Variants in COL22A1 observed in about 807,000 individuals in gnomAD.
COL22A1 encodes collagen type XXII alpha 1 chain.
COL22A1 carries 221 observed loss-of-function variants against 248.9 expected under a neutral mutation model. That is an observed-to-expected ratio of 0.89 (90% CI 0.80 to 0.99). COL22A1 has a LOEUF of 0.99. Among genes scored for constraint, COL22A1 ranks in the 50% least tolerant of loss-of-function variants. The probability of loss-of-function intolerance (pLI) is 0.00; values close to 1 mark genes in which losing one functional copy is unlikely to be tolerated. For missense variants in COL22A1, 2,240 were observed against 2,179.0 expected (o/e 1.03, Z -0.56); for synonymous variants, 891 against 793.4 (o/e 1.12, Z -2.07).
At chr8:138,765,537 G>A (rs1018188501) in intron 16 of COL22A1, among the ~76,000 whole-genome samples, 7 of 152,220 alleles carry the variant, frequency 4.6e-5, no homozygotes, top group Admixed American at 3.3e-4. Context: ...GCGGACATCC[G>A]GGCCTGAGTG....
chr8:138,716,172 C>G (rs955440823), intron 29 of COL22A1, 55 bp downstream of exon 29: 34 of 1,397,668 alleles, frequency 2.4e-5, no homozygotes, highest in Non-Finnish European at 3.0e-5. Flanking sequence ...GGGGGCTGCT[C>G]TCTGTGGAGA....
intron 12 of COL22A1, among the ~76,000 whole-genome samples, chr8:138,790,194 G>A (rs1815901595): frequency 6.6e-6 from 1 of 152,166 alleles, no homozygotes; most frequent in African/African-American, 2.4e-5. Context: ...GGTGTCAGGT[G>A]AAGGCCTGCT....
intron 47 of COL22A1, among the ~76,000 whole-genome samples, chr8:138,643,609 T>TATAGATAGATAGATAGATAGATAGATAG (rs57015617): frequency 1.4e-5 from 2 of 146,526 alleles, no homozygotes; most frequent in African/African-American, 2.6e-5. Flanking sequence ...CCCTATGCAA[T>TATAGATAGATAGATAGATAGATAGATAG]ATAGATAGAT....
chr8:138,784,683 CT>C (rs1815354667), intron 12 of COL22A1, among the ~76,000 whole-genome samples: 1 of 152,168 alleles, frequency 6.6e-6, no homozygotes, highest in Admixed American at 6.5e-5. Flanking sequence ...GATAGTTTAT[CT>C]ATTATTACAA....
intron 55 of COL22A1, 144 bp from the exon 56 acceptor site, chr8:138,614,064 A>G (rs1819119388): frequency 2.9e-6 from 2 of 694,200 alleles, no homozygotes; most frequent in South Asian, 1.7e-5. Context: ...TTAATTGTCC[A>G]TTATTCCAAA....
chr8:138,831,056 G>C (rs1445296405), intron 5 of COL22A1, among the ~76,000 whole-genome samples: 1 of 152,198 alleles, frequency 6.6e-6, no homozygotes, highest in African/African-American at 2.4e-5. Context: ...ACTCAGAGAG[G>C]AAGTGACTTG....
chr8:138,694,856 C>T lies in COL22A1; in HGVS notation c.2616G>A (p.Glu872=). The T allele has an allele frequency of 6.2e-7, 1 of 1,614,116 alleles. No individual in the cohort carries two copies. The highest frequency in any genetic ancestry group is 8.5e-7 in the Non-Finnish European group (1 of 1,180,006). The change falls in exon 33 of 65, where the codon GAG becomes GAA. Residue 872 remains glutamate (E), a synonymous_variant. Transcript: ENST00000303045. The stretch of plus-strand genomic sequence containing the variant: ...CCCCAGGCAGGCCTGGATCGCCCTT[C>T]TCTCCTTTGGGCCCTTGTTCTCCCT... The part of the protein sequence containing the change: ...RMPGEQGPKG[E]KGDPGLPGEP...
At position 138,611,819 on chromosome 8, in the gene COL22A1, C is replaced by T. The variant is rs543609532; in HGVS notation, c.3978+2048G>A. Among the ~76,000 whole-genome samples, 7 of 151,586 alleles carry T rather than the reference C, an allele frequency of 4.6e-5. No homozygotes were observed. The South Asian group carries it at 1.5e-3, about 32-fold the overall frequency. On this transcript the variant is annotated intron_variant, in intron 56 of 64. Coordinates refer to ENST00000303045, the MANE Select transcript of COL22A1 (RefSeq NM_152888.3). The stretch of plus-strand genomic sequence containing the variant: ...GGGACATCCAACCTCATAGGACCTG[C>T]CACACACCCCCTCTCTAGGATCTCA...
chr8:138,783,278 G>A (rs1160258197), intron 12 of COL22A1, among the ~76,000 whole-genome samples: 1 of 151,920 alleles, frequency 6.6e-6, no homozygotes, highest in Non-Finnish European at 1.5e-5. Context: ...TTTTCTAGAG[G>A]GACAGAACAA....
At chr8:138,666,578 G>T (rs1425095227) in intron 41 of COL22A1, among the ~76,000 whole-genome samples, 2 of 152,202 alleles carry the variant, frequency 1.3e-5, no homozygotes, top group African/African-American at 2.4e-5. Flanking sequence ...TTCTGTCAAG[G>T]TGTAGGTCAG....
chr8:138,765,331 C>T (rs1036901634), intron 16 of COL22A1, among the ~76,000 whole-genome samples: 2 of 152,188 alleles, frequency 1.3e-5, no homozygotes, highest in Non-Finnish European at 2.9e-5. Context: ...GACTCTCACC[C>T]TCTACCTCTA....
chr8:138,630,406 TG>T (rs962901258), intron 50 of COL22A1, among the ~76,000 whole-genome samples: 3 of 152,214 alleles, frequency 2.0e-5, no homozygotes, highest in Admixed American at 2.0e-4. Flanking sequence ...AATTGAGATA[TG>T]GGGCCTAAAT....
intron 56 of COL22A1, among the ~76,000 whole-genome samples, chr8:138,608,995 AT>A (rs2131868269): frequency 6.6e-6 from 1 of 152,364 alleles, no homozygotes; most frequent in East Asian, 1.9e-4. Flanking sequence ...ATCCTAGAGA[AT>A]CACTCTCCGT....
At chr8:138,833,328 C>T (rs920670695) in intron 4 of COL22A1, among the ~76,000 whole-genome samples, 178 bp from the exon 5 acceptor site, 3 of 152,188 alleles carry the variant, frequency 2.0e-5, no homozygotes, top group African/African-American at 7.2e-5. Flanking sequence ...AGTAATGGGA[C>T]GTATAGCCTT....
At chr8:138,666,449 A>T (rs1824512316) in intron 41 of COL22A1, among the ~76,000 whole-genome samples, 1 of 152,256 alleles carries the variant, frequency 6.6e-6, no homozygotes, top group Non-Finnish European at 1.5e-5. Flanking sequence ...TGGAGAAACT[A>T]AAGCTAAAAA....
intron 3 of COL22A1, among the ~76,000 whole-genome samples, chr8:138,866,915 C>T (rs1363527199): frequency 6.6e-6 from 1 of 152,172 alleles, no homozygotes; most frequent in African/African-American, 2.4e-5. Context: ...GAGAGACCCT[C>T]TAAGAGGAGC....
At chr8:138,631,303 G>T (rs1454984993) in intron 49 of COL22A1, among the ~76,000 whole-genome samples, 2 of 152,118 alleles carry the variant, frequency 1.3e-5, no homozygotes, top group African/African-American at 2.4e-5. Flanking sequence ...TTTCAAATGT[G>T]CTTCTGCCTC....
chr8:138,908,641 A>C lies in COL22A1; in HGVS notation c.-73+4978T>G, dbSNP rs1028134952. Among the ~76,000 whole-genome samples, 4 of 152,184 alleles carry C rather than the reference A, an allele frequency of 2.6e-5. No homozygotes were observed. The East Asian group carries it at 5.8e-4, about 22-fold the overall frequency. On this transcript the variant is annotated intron_variant, in intron 1 of 64. Transcript: ENST00000303045. ...CAATGTGTCCATCTGTAAAGGGGGTAACAGCATAGTTAATTCACAGGAGGA... is the reference window on the plus strand; with the variant it reads ...CAATGTGTCCATCTGTAAAGGGGGTCACAGCATAGTTAATTCACAGGAGGA...
At chr8:138,897,185 C>T (rs898734676) in intron 1 of COL22A1, among the ~76,000 whole-genome samples, 3 of 152,072 alleles carry the variant, frequency 2.0e-5, no homozygotes, top group African/African-American at 7.3e-5. Flanking sequence ...GAATCCAGGC[C>T]TGGAGAAGGA....
Sources: gnomAD v4.1 joint callset for allele counts (sites outside exome capture counted in the v4.1 genomes callset) on GRCh38, gnomAD v4.1.1 for gene constraint, MANE v1.5 for transcripts, NCBI Gene and HGNC (gene_info 2026-07-23, HGNC 2026-07-21) for gene names.